Variants in ARL14EPL observed in about 807,000 individuals in gnomAD.
ARL14EPL encodes the protein ARL14 effector protein-like.
ARL14EPL carries 17 observed loss-of-function variants against 15.9 expected under a neutral mutation model. The ratio of observed to expected loss-of-function variants is 1.07; its 90% CI spans 0.73 to 1.60. The LOEUF (loss-of-function observed/expected upper bound fraction) is 1.60. Among genes scored for constraint, ARL14EPL ranks in the 40% most tolerant of loss-of-function variants. The pLI is 0.00. For synonymous variants in ARL14EPL, 78 were observed against 63.8 expected, an observed-to-expected ratio of 1.22 and a Z score of -1.06; for missense variants, 214 against 185.9, an observed-to-expected ratio of 1.15 and a Z score of -0.88.
chr5:116,035,319 T>C (rs980285495), intron 1 of ARL14EPL, among the ~76,000 whole-genome samples: 1 of 152,232 alleles, frequency 6.6e-6, no homozygotes, highest in African/African-American at 2.4e-5. Context: ...CAGTAGGTAC[T>C]TCATTTGTCA....
intron 1 of ARL14EPL, among the ~76,000 whole-genome samples, chr5:116,050,535 T>C (rs922169394): frequency 1.3e-5 from 2 of 152,186 alleles, no homozygotes; most frequent in Admixed American, 6.5e-5. Context: ...TTCCCACTGA[T>C]AGAATTGGAA....
chr5:116,035,881 A>C (rs189682907), intron 1 of ARL14EPL, among the ~76,000 whole-genome samples: 20 of 152,356 alleles, frequency 1.3e-4, no homozygotes, highest in Admixed American at 2.6e-4. Context: ...ACTGGAATTC[A>C]ACAGCCACTG....
chr5:116,032,537 A>C (rs1180886167), intron 1 of ARL14EPL, 32 bp downstream of exon 1: 3 of 152,162 alleles, frequency 2.0e-5, no homozygotes, highest in Admixed American at 6.6e-5. Flanking sequence ...ATTTTGAAAG[A>C]GAAAGATACC....
intron 3 of ARL14EPL, among the ~76,000 whole-genome samples, chr5:116,058,467 G>C (rs1172407716): frequency 6.6e-6 from 1 of 152,178 alleles, no homozygotes; most frequent in Non-Finnish European, 1.5e-5. Context: ...TGTTACTCTA[G>C]ATGACAAGCC....
chr5:116,052,774 G>A (rs1015526913), intron 2 of ARL14EPL, among the ~76,000 whole-genome samples: 2 of 152,156 alleles, frequency 1.3e-5, no homozygotes, highest in African/African-American at 2.4e-5. Context: ...CTGCAGAAAA[G>A]TCCATGACAT....
chr5:116,037,532 A>G (rs572524426), intron 1 of ARL14EPL, among the ~76,000 whole-genome samples: 9 of 146,432 alleles, frequency 6.1e-5, no homozygotes, highest in Non-Finnish European at 1.3e-4. Context: ...GGTCACTAAG[A>G]TACATGCCCT....
chr5:116,059,178 G>T lies in ARL14EPL; in HGVS notation c.*231G>T, dbSNP rs1749591478. The T allele has an allele frequency of 5.9e-6, 3 of 511,912 alleles. No homozygotes were observed. The Admixed American group carries it at 1.0e-4, about 17-fold the overall frequency. The allele number at this position is 511,912 out of a possible 1,614,324, so 31.7% of individuals were successfully genotyped here. A position where few individuals can be genotyped will look rare whatever the true frequency, so the allele number is the denominator to read the frequency against. On this transcript the variant is annotated 3_prime_UTR_variant, in exon 4 of 4. Coordinates refer to ENST00000686077, the MANE Select transcript of ARL14EPL (RefSeq NM_001195581.2). ...CAACCAAAGAATGTAACAATGGAGG[G>T]ATCAGCATTTCTCATCAGCACCCTC...
intron 1 of ARL14EPL, among the ~76,000 whole-genome samples, chr5:116,034,747 AGTGTG>A (rs1304070365): frequency 5.3e-5 from 8 of 152,162 alleles, no homozygotes; most frequent in African/African-American, 1.9e-4. Flanking sequence ...CCTATGAGGC[AGTGTG>A]TCCAGTAGGC....
At chr5:116,037,491 C>A (rs1018332924) in intron 1 of ARL14EPL, among the ~76,000 whole-genome samples, 1 of 152,146 alleles carries the variant, frequency 6.6e-6, no homozygotes, top group Non-Finnish European at 1.5e-5. Context: ...GACGAAGATT[C>A]TGGAAGCAGT....
chr5:116,052,982 G>C (rs1039423986), intron 2 of ARL14EPL, among the ~76,000 whole-genome samples: 1 of 151,348 alleles, frequency 6.6e-6, no homozygotes, highest in East Asian at 1.9e-4. Flanking sequence ...TACAATATTC[G>C]ATTGAAGCAT....
chr5:116,050,230 T>C (rs538744072), intron 1 of ARL14EPL, among the ~76,000 whole-genome samples: 2 of 152,342 alleles, frequency 1.3e-5, no homozygotes, highest in Admixed American at 6.5e-5. Context: ...TCATACCCAA[T>C]AGGTAGTTTT....
In ARL14EPL at chr5:116,040,449, G is replaced by A. The variant is rs190713746; in HGVS notation, c.-10+7944G>A. ...ATTAAAGGAGTGATTAAAGAGTGAC[G>A]GGAAGGCATTTCTGGAAAAGAGAAT... On this transcript the variant is annotated intron_variant, in intron 1 of 3. Transcript: ENST00000686077. Among the ~76,000 whole-genome samples, 182 of 151,712 alleles carry A rather than the reference G, an allele frequency of 1.2e-3. 1 individual carries two copies. The highest frequency in any genetic ancestry group is 5.5e-3 in the Admixed American group (84 of 15,246).
At chr5:116,049,917 A>T (rs1749339667) in intron 1 of ARL14EPL, among the ~76,000 whole-genome samples, 1 of 152,266 alleles carries the variant, frequency 6.6e-6, no homozygotes, top group Non-Finnish European at 1.5e-5. Context: ...AAATAATGGC[A>T]GTAGAAATTA....
chr5:116,055,572 T>C (rs1023751421), intron 3 of ARL14EPL, among the ~76,000 whole-genome samples: 1 of 151,998 alleles, frequency 6.6e-6, no homozygotes, highest in African/African-American at 2.4e-5. Flanking sequence ...AATCACAATA[T>C]GTTTAGGGAT....
chr5:116,045,036 A>G (rs1749238150), intron 1 of ARL14EPL, among the ~76,000 whole-genome samples: 2 of 152,172 alleles, frequency 1.3e-5, no homozygotes, highest in South Asian at 4.1e-4. Context: ...GTGAAACTTC[A>G]TCATTTGAAA....
chr5:116,049,733 TG>T (rs1240592136), intron 1 of ARL14EPL, among the ~76,000 whole-genome samples: 7 of 152,226 alleles, frequency 4.6e-5, no homozygotes, highest in African/African-American at 1.7e-4. Flanking sequence ...AGAGATAAGT[TG>T]GCTATGAGAG....
chr5:116,054,219 G>T, intron 3 of ARL14EPL, 66 bp downstream of exon 3: 1 of 1,390,638 alleles, frequency 7.2e-7, no homozygotes, highest in Non-Finnish European at 9.5e-7. Flanking sequence ...CCTTGACAAA[G>T]CAATGAAAGA....
chr5:116,054,612 A>T (rs1749471334), intron 3 of ARL14EPL, among the ~76,000 whole-genome samples: 1 of 152,198 alleles, frequency 6.6e-6, no homozygotes, highest in Non-Finnish European at 1.5e-5. Flanking sequence ...TGGGTGGATC[A>T]CTAGGTCAGG....
chr5:116,047,509 C>T (rs540413717), intron 1 of ARL14EPL, among the ~76,000 whole-genome samples: 6 of 152,302 alleles, frequency 3.9e-5, no homozygotes, highest in Non-Finnish European at 7.4e-5. Flanking sequence ...CTGTAAAATA[C>T]AGAAAATTGT....
Sources: gnomAD v4.1 joint callset for allele counts (sites outside exome capture counted in the v4.1 genomes callset) on GRCh38, gnomAD v4.1.1 for gene constraint, MANE v1.5 for transcripts, NCBI Gene and HGNC (gene_info 2026-07-23, HGNC 2026-07-21) for gene names.